The following UPK1B variants were observed in gnomAD, a reference collection of about 807,000 sequenced individuals.
UPK1B encodes the protein uroplakin-1b.
In UPK1B, 28 loss-of-function variants were observed where a neutral mutation model predicts 34.2. The observed-to-expected ratio is 0.82, with a 90% CI of 0.61 to 1.12. The LOEUF is 1.12. Ranked by LOEUF, UPK1B falls within the 50% of genes most tolerant of loss-of-function variation. The pLI is 0.00. For missense variants in UPK1B, 325 were observed against 320.9 expected, an observed-to-expected ratio of 1.01 and a Z score of -0.10; for synonymous variants, 81 against 110.4, an observed-to-expected ratio of 0.73 and a Z score of 1.67.
chr3:119,197,458 T>C (rs2078071975), intron 6 of UPK1B, among the ~76,000 whole-genome samples: 1 of 152,140 alleles, frequency 6.6e-6, no homozygotes, highest in African/African-American at 2.4e-5. Flanking sequence ...CTGGCATAAG[T>C]GGGCCCTTAT....
intron 6 of UPK1B, among the ~76,000 whole-genome samples, chr3:119,198,666 C>T (rs62263546): frequency 0.35 from 53,665 of 151,976 alleles, 10,398 homozygotes; most frequent in Non-Finnish European, 0.42. Context: ...TATTCAAAAA[C>T]AAACAAATCA....
intron 1 of UPK1B, among the ~76,000 whole-genome samples, chr3:119,182,671 T>A (rs2077994476): frequency 6.6e-6 from 1 of 152,148 alleles, no homozygotes; most frequent in African/African-American, 2.4e-5. Flanking sequence ...ATACTACAGA[T>A]ATTAGACTAT....
chr3:119,191,131 C>G (rs367784633), intron 5 of UPK1B, 27 bp downstream of exon 5: 1 of 1,611,772 alleles, frequency 6.2e-7, no homozygotes, highest in Admixed American at 1.7e-5. Context: ...TGGGGAGATG[C>G]CATTTTTACT....
chr3:119,183,349 C>T (rs1265832280), intron 1 of UPK1B, among the ~76,000 whole-genome samples: 1 of 151,680 alleles, frequency 6.6e-6, no homozygotes, highest in African/African-American at 2.4e-5. Flanking sequence ...ACAACCTCCA[C>T]CTCCCAGGTT....
chr3:119,183,808 T>A (rs1302528315), intron 1 of UPK1B, among the ~76,000 whole-genome samples: 2 of 152,228 alleles, frequency 1.3e-5, no homozygotes, highest in African/African-American at 4.8e-5. Flanking sequence ...ATGCCTAACA[T>A]AGTGCCCAGA....
chr3:119,185,264 T>C (rs2078012740), intron 1 of UPK1B, among the ~76,000 whole-genome samples: 2 of 152,190 alleles, frequency 1.3e-5, no homozygotes, highest in Admixed American at 6.5e-5. Context: ...TTTAGAGATG[T>C]CTAAACTTAC....
chr3:119,192,075 C>T (rs1238746558), intron 5 of UPK1B, among the ~76,000 whole-genome samples: 1 of 152,188 alleles, frequency 6.6e-6, no homozygotes, highest in Non-Finnish European at 1.5e-5. Flanking sequence ...CACCTCCACC[C>T]TCTTCCATGA....
chr3:119,179,032 A>G (rs1032406682), intron 1 of UPK1B, among the ~76,000 whole-genome samples: 2 of 152,136 alleles, frequency 1.3e-5, no homozygotes, highest in South Asian at 4.1e-4. Context: ...ATAGAACCAA[A>G]AGGAGATACA....
chr3:119,184,667 A>G (rs2078008841), intron 1 of UPK1B, among the ~76,000 whole-genome samples: 1 of 152,090 alleles, frequency 6.6e-6, no homozygotes, highest in Admixed American at 6.6e-5. Context: ...CGGAGGTTGC[A>G]GTGAGCCAAG....
chr3:119,191,218 C>A, intron 5 of UPK1B, 114 bp downstream of exon 5: 1 of 1,256,930 alleles, frequency 8.0e-7, no homozygotes, highest in Non-Finnish European at 1.1e-6. Context: ...GATTAGCTTA[C>A]ATTTGTTGGA....
intron 4 of UPK1B, 47 bp downstream of exon 4, chr3:119,190,366 T>C: frequency 6.8e-7 from 1 of 1,462,730 alleles, no homozygotes; most frequent in Non-Finnish European, 9.6e-7. Context: ...ATCATTATTA[T>C]AACAACCAAC....
At chr3:119,196,760 G>A (rs975108953) in intron 6 of UPK1B, among the ~76,000 whole-genome samples, 15 of 151,894 alleles carry the variant, frequency 9.9e-5, no homozygotes, top group African/African-American at 3.4e-4. Flanking sequence ...GGATGGTCTC[G>A]ATCTCTTGAC....
chr3:119,204,057 C>A lies in UPK1B; in HGVS notation c.*90C>A. ...CTCTCCTAATATTCCACGTTTGTGC[C>A]CCACACTAACGTGTGTGTCTTACAT... On this transcript the variant is annotated 3_prime_UTR_variant, in exon 8 of 8. Transcript: ENST00000264234. 7.0e-7 allele frequency: 1 copy of A among 1,433,068 alleles called. No homozygotes were observed. Among genetic ancestry groups the A allele is most frequent in the Non-Finnish European group, 9.8e-7 (1 of 1,024,428 alleles). The allele number at this position is 1,433,068 out of a possible 1,614,324, so 88.8% of individuals were successfully genotyped here.
chr3:119,175,877 C>T (rs1321872247), intron 1 of UPK1B: 1 of 152,222 alleles, frequency 6.6e-6, no homozygotes, highest in Non-Finnish European at 1.5e-5. Flanking sequence ...TAACTGCATG[C>T]AACTACTAAC....
At position 119,204,238 on chromosome 3, in the gene UPK1B, T is replaced by C. The variant is rs760146855; in HGVS notation, c.*271T>C. 1 of 412,668 alleles carries C rather than the reference T, an allele frequency of 2.4e-6. No homozygotes were observed. Among genetic ancestry groups the C allele is most frequent in the Non-Finnish European group, 4.3e-6 (1 of 231,492 alleles). 25.6% of individuals were successfully genotyped at this position (412,668 alleles called of 1,614,324 possible). ...CATAATAACTACTTCCATCCCTGCT[T>C]ATTTTTAATTTGGGAAAATAAATAC... On this transcript the variant is annotated 3_prime_UTR_variant, in exon 8 of 8. Transcript: ENST00000264234.
chr3:119,185,856 G>A (rs1475501893), intron 1 of UPK1B, among the ~76,000 whole-genome samples: 3 of 152,260 alleles, frequency 2.0e-5, no homozygotes, highest in Non-Finnish European at 4.4e-5. Flanking sequence ...AATCCTCAGG[G>A]AGGTGAGAGA....
chr3:119,178,406 C>T (rs1233402192), intron 1 of UPK1B, among the ~76,000 whole-genome samples: 1 of 152,108 alleles, frequency 6.6e-6, no homozygotes, highest in Non-Finnish European at 1.5e-5. Context: ...TGACCGAGGG[C>T]TCTCCTTTGA....
rs779566570 is a variant in UPK1B at position 119,187,725 on chromosome 3, C to A, written c.70-50C>A. ...TCTTACCTTCCCCACCCTCCACCCC[C>A]TTTCCCAAAGCTGCACTCCTGATGG... On this transcript the variant is annotated intron_variant, in intron 2 of 7. Transcript: ENST00000264234. 15 of 1,591,070 alleles carry A rather than the reference C, an allele frequency of 9.4e-6. No individual in the cohort carries two copies. The South Asian group carries it at 1.5e-4, about 16-fold the overall frequency.
intron 7 of UPK1B, among the ~76,000 whole-genome samples, chr3:119,199,458 G>A (rs115214978): frequency 0.014 from 2,083 of 152,270 alleles, 49 homozygotes; most frequent in African/African-American, 0.047. Flanking sequence ...CTGGTCTCCA[G>A]ATCTCATTAA....
Sources: gnomAD v4.1 joint callset for allele counts (sites outside exome capture counted in the v4.1 genomes callset) on GRCh38, gnomAD v4.1.1 for gene constraint, MANE v1.5 for transcripts, NCBI Gene and HGNC (gene_info 2026-07-23, HGNC 2026-07-21) for gene names.